COL4A4: variants seen among roughly 807,000 people sequenced by gnomAD.
COL4A4 encodes the protein collagen type IV alpha 4 chain, also known as collagen alpha-4(IV) chain.
COL4A4 carries 105 observed loss-of-function variants against 192.9 expected under a neutral mutation model. The observed-to-expected ratio is 0.54, with a 90% confidence interval of 0.46 to 0.64. COL4A4 has a LOEUF of 0.64. COL4A4 is among the 30% of genes least tolerant of loss of function. COL4A4 has a pLI of 0.00. For missense variants in COL4A4, 1,967 were observed against 2,169.3 expected (o/e 0.91, Z 1.85); for synonymous variants, 762 against 769.9 (o/e 0.99, Z 0.17).
chr2:227,141,510 G>A lies in COL4A4; in HGVS notation c.115-1272C>T, dbSNP rs965502114. Among the ~76,000 whole-genome samples the A allele has an allele frequency of 2.6e-5, 4 of 152,194 alleles. No homozygotes were observed. In the East Asian group the frequency reaches 7.7e-4, roughly 29 times the overall value. On this transcript the variant is annotated intron_variant, in intron 3 of 47. Transcript: ENST00000396625. ...TATGGGAGGGAAAAGAGTCTAATCA[G>A]CATATATTATTTTTCTTTTCACTCG... is the stretch of plus-strand genomic sequence containing the variant.
the COL4A4 span, among the ~76,000 whole-genome samples, chr2:226,969,542 A>T: frequency 2.6e-5 from 4 of 152,096 alleles, no homozygotes; most frequent in East Asian, 5.8e-4. Flanking sequence ...AGCTGTTCCA[A>T]GTTTCTTAGG....
chr2:227,022,100 T>C lies in COL4A4; in HGVS notation c.4164A>G (p.Arg1388=). The C allele has an allele frequency of 6.2e-7, 1 of 1,614,116 alleles. No individual in the cohort carries two copies. The highest frequency in any genetic ancestry group is 1.3e-5 in the African/African-American group (1 of 75,036). ...IPGLPGAPGM[R]GPEGAMGLPG... The stretch of plus-strand genomic sequence containing the variant: ...GGAGCCCCATGGCTCCTTCTGGTCC[T>C]CTCATGCCTGGCGCCCCAGGAAGGC... The change falls in exon 44 of 48, where the codon AGA becomes AGG. Residue 1388 remains arginine, a synonymous_variant. Coordinates refer to ENST00000396625, the MANE Select transcript of COL4A4 (RefSeq NM_000092.5).
intron 25 of COL4A4, among the ~76,000 whole-genome samples, chr2:227,064,053 A>C (rs1484774434): frequency 6.6e-6 from 1 of 152,208 alleles, no homozygotes; most frequent in Non-Finnish European, 1.5e-5. Context: ...TGCCATAGCT[A>C]TAATAATTTT....
At position 227,108,637 on chromosome 2, in the gene COL4A4, A is replaced by C. The variant is rs1235282347; in HGVS notation, c.694-15T>G. The C allele has an allele frequency of 6.2e-7, 1 of 1,613,900 alleles. No individual in the cohort carries two copies. The highest frequency in any genetic ancestry group is 1.1e-5 in the South Asian group (1 of 91,074). ...CCGGGATTTCCCTGAGAAAGAAATG[A>C]AAAAGAATCTAATTGCTTTTGAATT... On this transcript the variant is annotated splice_polypyrimidine_tract_variant and intron_variant, in intron 11 of 47. Coordinates refer to ENST00000396625, the MANE Select transcript of COL4A4 (RefSeq NM_000092.5).
At chr2:227,152,980 C>T (rs1002627207) in intron 1 of COL4A4, among the ~76,000 whole-genome samples, 7 of 152,290 alleles carry the variant, frequency 4.6e-5, no homozygotes, top group African/African-American at 1.7e-4. Flanking sequence ...TTAATTGACT[C>T]ACAGTTCCAC....
chr2:227,136,214 A>C (rs2062804402), intron 4 of COL4A4, among the ~76,000 whole-genome samples: 1 of 152,194 alleles, frequency 6.6e-6, no homozygotes, highest in Admixed American at 6.5e-5. Context: ...GCTACAGAGC[A>C]GGGCAGGACA....
At chr2:227,067,740 C>T (rs1221895138) in intron 25 of COL4A4, among the ~76,000 whole-genome samples, 1 of 152,072 alleles carries the variant, frequency 6.6e-6, no homozygotes, top group African/African-American at 2.4e-5. Context: ...AAATTTATAG[C>T]ACTAAATGCC....
At chr2:227,042,358 G>A in intron 36 of COL4A4, 103 bp from the exon 37 acceptor site, 3 of 715,392 alleles carry the variant, frequency 4.2e-6, no homozygotes, top group Non-Finnish European at 7.6e-6. Context: ...GGAGAACACT[G>A]TCTAATTACT....
chr2:227,101,904 A>G lies in COL4A4; in HGVS notation c.936T>C (p.Asp312=). 1 of 1,597,340 alleles carries G rather than the reference A, an allele frequency of 6.3e-7. No homozygotes were observed. Among genetic ancestry groups the G allele is most frequent in the Non-Finnish European group, 8.6e-7 (1 of 1,168,610 alleles). Residue 312 remains aspartate, a synonymous_variant, in exon 16 of 48, where the codon GAT becomes GAC. Transcript: ENST00000396625. ...AACCTGGAGATCCATAGGAACCAGGATCCCCCTAATAAATTCACAAAAATC... is the reference window on the plus strand; with the variant it reads ...AACCTGGAGATCCATAGGAACCAGGGTCCCCCTAATAAATTCACAAAAATC... ...GIPGFPGPRG[D]PGSYGSPGFP...
Position 227,109,218 on chromosome 2 carries a change from A to G in COL4A4, c.657+6T>C, listed in dbSNP as rs1392754630. The G allele has an allele frequency of 6.2e-7, 1 of 1,612,562 alleles. No homozygotes were observed. Among genetic ancestry groups the G allele is most frequent in the East Asian group, 2.2e-5 (1 of 44,890 alleles). On this transcript the variant is annotated splice_donor_region_variant and intron_variant, in intron 10 of 47. Coordinates refer to ENST00000396625, the MANE Select transcript of COL4A4 (RefSeq NM_000092.5). ...AAAGGGATCACATCAGCAGTGCTGT[A>G]CTTACCACTAACCCTGGCTCTCCAG...
In COL4A4 at chr2:227,063,701, A is replaced by G. The variant is rs551561902; in HGVS notation, c.1988-1103T>C. Among the ~76,000 whole-genome samples, 127 of 152,158 alleles carry G rather than the reference A, an allele frequency of 8.3e-4. 1 individual carries two copies. Among genetic ancestry groups the G allele is most frequent in the African/African-American group, 2.9e-3 (122 of 41,550 alleles). On this transcript the variant is annotated intron_variant, in intron 25 of 47. Transcript: ENST00000396625. ...TTAAAATACCTTCTTTTTTCTCACT[A>G]GAATGCCAACAAATGGTTTTTCATG...
the COL4A4 span, among the ~76,000 whole-genome samples, chr2:226,983,678 G>A: frequency 2.0e-5 from 3 of 151,268 alleles, no homozygotes; most frequent in South Asian, 2.1e-4. Flanking sequence ...TTTTTTTCAC[G>A]TGCAAAGGTT....
intron 25 of COL4A4, among the ~76,000 whole-genome samples, chr2:227,066,064 A>C (rs978683661): frequency 2.0e-5 from 3 of 152,242 alleles, no homozygotes; most frequent in Admixed American, 6.5e-5. Flanking sequence ...AGCCTCGAGA[A>C]CTACGTGAAG....
intron 44 of COL4A4, among the ~76,000 whole-genome samples, chr2:227,017,369 G>A (rs377052875): frequency 3.9e-5 from 6 of 152,090 alleles, no homozygotes; most frequent in Admixed American, 6.5e-5. Context: ...TCCACCTTAC[G>A]GACTTGTTCC....
intron 26 of COL4A4, 63 bp from the exon 27 acceptor site, chr2:227,060,306 G>C: frequency 2.6e-6 from 3 of 1,140,078 alleles, no homozygotes; most frequent in Non-Finnish European, 4.0e-6. Context: ...AACAAAATGA[G>C]ATGATTTTCT....
chr2:226,971,009 G>A, the COL4A4 span, among the ~76,000 whole-genome samples: 1 of 152,188 alleles, frequency 6.6e-6, no homozygotes, highest in Non-Finnish European at 1.5e-5. Context: ...TGTGAGTTGA[G>A]TTATAAATAG....
intron 42 of COL4A4, among the ~76,000 whole-genome samples, chr2:227,026,396 G>A (rs1163047601): frequency 1.3e-5 from 2 of 151,964 alleles, no homozygotes; most frequent in Non-Finnish European, 2.9e-5. Context: ...TACTCCGGAG[G>A]CTGAGGCAGG....
chr2:227,155,381 A>AT (rs1314497078), intron 1 of COL4A4, among the ~76,000 whole-genome samples: 3 of 152,198 alleles, frequency 2.0e-5, no homozygotes, highest in African/African-American at 7.2e-5. Context: ...AACCATAATA[A>AT]TGTCACTTCT....
intron 46 of COL4A4, 45 bp from the exon 47 acceptor site, chr2:227,008,349 T>C (rs1382167794): frequency 1.2e-6 from 2 of 1,600,456 alleles, no homozygotes; most frequent in Non-Finnish European, 1.7e-6. Flanking sequence ...GCACCCCATG[T>C]AGGTGTTCCC....
Sources: allele counts gnomAD v4.1 joint callset (sites outside exome capture counted in the v4.1 genomes callset), GRCh38; gene constraint gnomAD v4.1.1; transcripts MANE v1.5; gene names NCBI Gene and HGNC (gene_info 2026-07-23, HGNC 2026-07-21).